Variants in EPHA6 observed in about 807,000 individuals in gnomAD.
The protein encoded by EPHA6 is EPH receptor A6, also known as ephrin type-A receptor 6.
Under a neutral mutation model 112.0 loss-of-function variants are expected in EPHA6, and 50 were observed. That is an observed-to-expected ratio of 0.45 (90% CI 0.36 to 0.56). The LOEUF is 0.56. EPHA6 is among the 20% of genes least tolerant of loss of function. The pLI, the probability that EPHA6 is intolerant of heterozygous loss-of-function variation, is 0.00. For synonymous variants in EPHA6, 529 were observed against 490.7 expected, an observed-to-expected ratio of 1.08 and a Z score of -1.03; for missense variants, 1,280 against 1,417.4, an observed-to-expected ratio of 0.90 and a Z score of 1.56.
At chr3:97,166,455 C>T (rs1160251093) in intron 3 of EPHA6, among the ~76,000 whole-genome samples, 3 of 151,048 alleles carry the variant, frequency 2.0e-5, no homozygotes, top group East Asian at 1.9e-4. Context: ...TTATGTATCA[C>T]GAGTAGGTGA....
chr3:97,143,152 CT>C (rs1457546566), intron 3 of EPHA6, among the ~76,000 whole-genome samples: 1 of 151,510 alleles, frequency 6.6e-6, no homozygotes, highest in Non-Finnish European at 1.5e-5. Context: ...ATAACACAAT[CT>C]CATTAACAAT....
intron 3 of EPHA6, among the ~76,000 whole-genome samples, chr3:97,069,552 A>T (rs1488701553): frequency 6.6e-6 from 1 of 152,172 alleles, no homozygotes; most frequent in African/African-American, 2.4e-5. Flanking sequence ...ATTTACTTCT[A>T]GAAATTTTAC....
At chr3:97,129,589 A>G (rs2048283094) in intron 3 of EPHA6, among the ~76,000 whole-genome samples, 1 of 152,146 alleles carries the variant, frequency 6.6e-6, no homozygotes, top group Admixed American at 6.6e-5. Flanking sequence ...TGTTAAAAAC[A>G]ATTTTTTCTG....
In EPHA6 at chr3:96,854,806, T is replaced by G. The variant is rs114685036; in HGVS notation, c.386-12019T>G. On this transcript the variant is annotated intron_variant, in intron 1 of 17. Transcript: ENST00000389672. ...ATGAAGAGACCCTAGTTGAGTTAAA[T>G]GGAATTGGTAGGGGTTAGAAAGTCA... is the stretch of plus-strand genomic sequence containing the variant. Among the ~76,000 whole-genome samples the G allele has an allele frequency of 9.2e-3, 1,394 of 152,226 alleles. 18 individuals are homozygous for G. Among genetic ancestry groups the G allele is most frequent in the African/African-American group, 0.032 (1,331 of 41,540 alleles).
At chr3:96,918,362 C>T (rs186552470) in intron 2 of EPHA6, among the ~76,000 whole-genome samples, 302 of 152,050 alleles carry the variant, frequency 2.0e-3, no homozygotes, top group African/African-American at 7.1e-3. Context: ...ACTTTTAAAA[C>T]CGTTGCTTTA....
rs150446745 is a variant in EPHA6, at chr3:96,853,880, T to C, written c.386-12945T>C. Among the ~76,000 whole-genome samples the C allele has an allele frequency of 3.0e-4, 46 of 152,158 alleles. 2 individuals carry two copies. Among genetic ancestry groups the C allele is most frequent in the South Asian group, 2.5e-3 (12 of 4,830 alleles). On this transcript the variant is annotated intron_variant, in intron 1 of 17. Coordinates refer to ENST00000389672, the MANE Select transcript of EPHA6 (RefSeq NM_001080448.3). ...GTTACTATTTATTGTTTTTAGAACA[T>C]TGGATTTATAAAATCACAGGGACTT...
intron 16 of EPHA6, among the ~76,000 whole-genome samples, chr3:97,742,063 A>G (rs753729222): frequency 5.3e-5 from 8 of 152,172 alleles, no homozygotes; most frequent in Non-Finnish European, 7.4e-5. Context: ...TATGGCAGTA[A>G]CATCACATAA....
Position 97,752,241 on chromosome 3 carries a change from G to C in EPHA6, c.*3540G>C, listed in dbSNP as rs1423184933. The C allele has an allele frequency of 4.5e-6, 1 of 222,312 alleles. No homozygotes were observed. The highest frequency in any genetic ancestry group is 9.0e-6 in the Non-Finnish European group (1 of 111,240). 13.8% of individuals were successfully genotyped at this position (222,312 alleles called of 1,614,324 possible). ...ATGAATGGAAAACAAATCCAAATCC[G>C]ATCCTTGAAAAGCAAAGGCTCTAAA... On this transcript the variant is annotated 3_prime_UTR_variant, in exon 18 of 18. Transcript: ENST00000389672.
At chr3:97,640,929 G>C (rs1361452869) in intron 14 of EPHA6, among the ~76,000 whole-genome samples, 1 of 152,152 alleles carries the variant, frequency 6.6e-6, no homozygotes, top group African/African-American at 2.4e-5. Context: ...ATGACAGTTG[G>C]AATAAAGAGG....
intron 5 of EPHA6, among the ~76,000 whole-genome samples, chr3:97,366,183 C>A (rs1305814500): frequency 6.6e-6 from 1 of 152,102 alleles, no homozygotes; most frequent in African/African-American, 2.4e-5. Flanking sequence ...ATTTATTGAT[C>A]CTTTGTATTT....
chr3:97,559,264 C>T (rs539183240), intron 11 of EPHA6, among the ~76,000 whole-genome samples: 2 of 152,016 alleles, frequency 1.3e-5, no homozygotes, highest in Non-Finnish European at 2.9e-5. Context: ...TCCCATAATT[C>T]TACTGAAATC....
intron 14 of EPHA6, among the ~76,000 whole-genome samples, chr3:97,706,205 G>C (rs1160517426): frequency 6.6e-6 from 1 of 152,046 alleles, no homozygotes; most frequent in Non-Finnish European, 1.5e-5. Flanking sequence ...GAGACATTTA[G>C]TGCAAAAGGT....
intron 13 of EPHA6, among the ~76,000 whole-genome samples, chr3:97,632,678 A>G (rs2107539723): frequency 6.6e-6 from 1 of 152,202 alleles, no homozygotes; most frequent in African/African-American, 2.4e-5. Flanking sequence ...AGGAAACTGT[A>G]TAAGCAAAAC....
At chr3:97,329,131 AC>A (rs1464236112) in intron 5 of EPHA6, among the ~76,000 whole-genome samples, 2 of 152,052 alleles carry the variant, frequency 1.3e-5, no homozygotes, top group Non-Finnish European at 2.9e-5. Context: ...CCATGTCCCT[AC>A]AAAGGACATG....
At chr3:96,953,820 G>C (rs1163167647) in intron 2 of EPHA6, among the ~76,000 whole-genome samples, 2 of 151,778 alleles carry the variant, frequency 1.3e-5, no homozygotes, top group Admixed American at 1.3e-4. Context: ...ATTGTTATCT[G>C]TACTGCTGCT....
At chr3:97,272,775 C>T (rs996121609) in intron 5 of EPHA6, among the ~76,000 whole-genome samples, 1 of 152,150 alleles carries the variant, frequency 6.6e-6, no homozygotes, top group South Asian at 2.1e-4. Flanking sequence ...GGTGGAATGT[C>T]ATCAGTTAAG....
At chr3:97,472,449 G>T (rs187775544) in intron 7 of EPHA6, among the ~76,000 whole-genome samples, 26 of 151,814 alleles carry the variant, frequency 1.7e-4, no homozygotes, top group African/African-American at 4.8e-4. Context: ...GGACTTGGAA[G>T]AAATTCAGTA....
At chr3:97,477,961 T>C (rs1439249644) in intron 8 of EPHA6, among the ~76,000 whole-genome samples, 1 of 152,144 alleles carries the variant, frequency 6.6e-6, no homozygotes, top group Non-Finnish European at 1.5e-5. Context: ...ATTTTTGTTT[T>C]CCATTTTCAA....
At chr3:97,048,479 G>T (rs1371740910) in intron 3 of EPHA6, among the ~76,000 whole-genome samples, 1 of 152,096 alleles carries the variant, frequency 6.6e-6, no homozygotes, top group Non-Finnish European at 1.5e-5. Context: ...ATTAAACAAT[G>T]GAATTGAATG....
Sources: gnomAD v4.1 joint callset for allele counts (sites outside exome capture counted in the v4.1 genomes callset) on GRCh38, gnomAD v4.1.1 for gene constraint, MANE v1.5 for transcripts, NCBI Gene and HGNC (gene_info 2026-07-23, HGNC 2026-07-21) for gene names.